RARB: variants seen among roughly 807,000 people sequenced by gnomAD.
RARB encodes the protein HBV-activated protein.
In RARB, 17 loss-of-function variants were observed where a neutral mutation model predicts 51.9. That is an observed-to-expected ratio of 0.33 (90% CI 0.22 to 0.49). The LOEUF is 0.49. Ranked by LOEUF, RARB falls within the 20% of genes least tolerant of loss-of-function variation. RARB has a pLI of 0.99. For missense variants in RARB, 369 were observed against 550.8 expected (o/e 0.67, Z 3.30); for synonymous variants, 215 against 195.4 (o/e 1.10, Z -0.84).
chr3:25,152,932 G>A (rs1700314160), intron 4 of RARB, among the ~76,000 whole-genome samples: 1 of 152,164 alleles, frequency 6.6e-6, no homozygotes, highest in Non-Finnish European at 1.5e-5. Flanking sequence ...GGACTGCAGT[G>A]TTTGATACAA....
chr3:24,913,990 C>T (rs1224246817), intron 2 of RARB, among the ~76,000 whole-genome samples: 2 of 152,188 alleles, frequency 1.3e-5, no homozygotes, highest in Non-Finnish European at 2.9e-5. Flanking sequence ...GAAATACACA[C>T]AAGTCAGCCA....
intron 3 of RARB, among the ~76,000 whole-genome samples, chr3:25,115,367 T>C (rs1415650430): frequency 6.6e-6 from 1 of 152,192 alleles, no homozygotes; most frequent in African/African-American, 2.4e-5. Flanking sequence ...AATGACATTG[T>C]AACATCTATA....
At chr3:25,107,701 C>A (rs1699532641) in intron 3 of RARB, among the ~76,000 whole-genome samples, 1 of 151,942 alleles carries the variant, frequency 6.6e-6, no homozygotes. Context: ...AGATTAACAG[C>A]AATAATAATA....
chr3:24,993,227 T>C (rs1696951655), intron 2 of RARB, among the ~76,000 whole-genome samples: 1 of 152,158 alleles, frequency 6.6e-6, no homozygotes, highest in South Asian at 2.1e-4. Context: ...TTAAAAATGG[T>C]GTAGAATATG....
At chr3:24,848,852 C>T (rs1331375538) in intron 1 of RARB, among the ~76,000 whole-genome samples, 2 of 152,184 alleles carry the variant, frequency 1.3e-5, no homozygotes, top group African/African-American at 2.4e-5. Context: ...GTGTTTATAT[C>T]TGGGTATGAC....
At chr3:24,963,516 A>G (rs1422882185) in intron 2 of RARB, among the ~76,000 whole-genome samples, 1 of 150,746 alleles carries the variant, frequency 6.6e-6, no homozygotes, top group Non-Finnish European at 1.5e-5. Context: ...TTTCCGTTAC[A>G]TTATGGCTAT....
chr3:25,346,871 C>G (rs985190277), intron 5 of RARB, among the ~76,000 whole-genome samples: 8 of 152,170 alleles, frequency 5.3e-5, no homozygotes, highest in African/African-American at 1.9e-4. Flanking sequence ...GCCAGGCCCC[C>G]AAAAGGAGGC....
At chr3:25,082,924 A>C (rs556880617) in intron 3 of RARB, among the ~76,000 whole-genome samples, 1 of 152,192 alleles carries the variant, frequency 6.6e-6, no homozygotes, top group Admixed American at 6.5e-5. Flanking sequence ...TTCAAGAATA[A>C]TTTTGTTGGA....
chr3:25,159,418 C>CCCG (rs1700439446), intron 4 of RARB, among the ~76,000 whole-genome samples: 4 of 151,288 alleles, frequency 2.6e-5, no homozygotes, highest in African/African-American at 4.8e-5. Context: ...ATCCACCCCC[C>CCCG]CCGCTCCCCC....
chr3:25,310,562 G>A (rs1704264062), intron 5 of RARB, among the ~76,000 whole-genome samples: 1 of 152,204 alleles, frequency 6.6e-6, no homozygotes, highest in Non-Finnish European at 1.5e-5. Flanking sequence ...TATGTTCAGA[G>A]TGATTCTTCA....
intron 5 of RARB, among the ~76,000 whole-genome samples, chr3:25,362,588 G>A (rs1411721636): frequency 6.6e-6 from 1 of 152,178 alleles, no homozygotes; most frequent in Non-Finnish European, 1.5e-5. Flanking sequence ...TTGAAACCCA[G>A]GGCACTTGTG....
intron 3 of RARB, among the ~76,000 whole-genome samples, chr3:25,506,704 G>T (rs1431634370): frequency 6.6e-6 from 1 of 152,278 alleles, no homozygotes; most frequent in Non-Finnish European, 1.5e-5. Flanking sequence ...AAACAAACAA[G>T]TGTGGTTATA....
chr3:25,535,936 A>T (rs1309984235), intron 3 of RARB, among the ~76,000 whole-genome samples: 1 of 152,134 alleles, frequency 6.6e-6, no homozygotes, highest in Non-Finnish European at 1.5e-5. Flanking sequence ...GCTTATTGAG[A>T]TGTAGCCCCA....
intron 5 of RARB, among the ~76,000 whole-genome samples, chr3:25,358,748 C>T (rs1705830447): frequency 6.6e-6 from 1 of 151,966 alleles, no homozygotes; most frequent in South Asian, 2.1e-4. Context: ...ATGTGGTTTT[C>T]ATCATTGGTT....
chr3:24,886,823 A>T (rs1050410932), intron 2 of RARB, among the ~76,000 whole-genome samples: 2 of 152,190 alleles, frequency 1.3e-5, no homozygotes, highest in Non-Finnish European at 2.9e-5. Context: ...TAAAAGAGAA[A>T]TTCTGTTTGT....
intron 3 of RARB, among the ~76,000 whole-genome samples, chr3:25,087,419 G>A (rs1575154602): frequency 6.6e-6 from 1 of 152,070 alleles, no homozygotes; most frequent in Non-Finnish European, 1.5e-5. Flanking sequence ...ATTGTAGGTG[G>A]AAGAAGCCAT....
chr3:24,903,453 A>G (rs1228422008), intron 2 of RARB, among the ~76,000 whole-genome samples: 3 of 152,300 alleles, frequency 2.0e-5, no homozygotes, highest in African/African-American at 4.8e-5. Flanking sequence ...CTTTCTTTAT[A>G]TATTTGTAAT....
At chr3:25,351,304 A>AT (rs1224662112) in intron 5 of RARB, among the ~76,000 whole-genome samples, 2 of 150,624 alleles carry the variant, frequency 1.3e-5, no homozygotes, top group South Asian at 2.1e-4. Context: ...TAATCCATAT[A>AT]TTTTTTCTTT....
intron 2 of RARB, among the ~76,000 whole-genome samples, chr3:24,884,045 C>G (rs962746794): frequency 2.0e-5 from 3 of 152,060 alleles, no homozygotes; most frequent in African/African-American, 7.2e-5. Context: ...CTGACACCAA[C>G]GATTTTGTTG....
Sources: allele counts gnomAD v4.1 joint callset (sites outside exome capture counted in the v4.1 genomes callset), GRCh38; gene constraint gnomAD v4.1.1; transcripts MANE v1.5; gene names NCBI Gene and HGNC (gene_info 2026-07-23, HGNC 2026-07-21).